TJP3: variants seen among roughly 807,000 people sequenced by gnomAD.
The protein encoded by TJP3 is tight junction protein 3.
Under a neutral mutation model 104.2 loss-of-function variants are expected in TJP3, and 85 were observed. The ratio of observed to expected loss-of-function variants is 0.82; its 90% confidence interval spans 0.68 to 0.98. The LOEUF (loss-of-function observed/expected upper bound fraction) is 0.98, where lower values mean the gene tolerates loss of function less well. Among genes scored for constraint, TJP3 ranks in the 50% least tolerant of loss-of-function variants. TJP3 has a pLI of 0.00. For synonymous variants in TJP3, 550 were observed against 550.6 expected (o/e 1.00, Z 0.02); for missense variants, 1,367 against 1,322.8 (o/e 1.03, Z -0.52).
intron 13 of TJP3, among the ~76,000 whole-genome samples, chr19:3,740,053 G>A (rs1413904596): frequency 2.0e-5 from 3 of 152,000 alleles, no homozygotes; most frequent in Admixed American, 6.6e-5. Flanking sequence ...CCAACATGGT[G>A]AAACCCCATC....
chr19:3,722,371 G>C (rs1361670157), intron 1 of TJP3, among the ~76,000 whole-genome samples: 1 of 152,128 alleles, frequency 6.6e-6, no homozygotes, highest in African/African-American at 2.4e-5. Flanking sequence ...GCGTGCAGCC[G>C]GCTGAGCTTG....
At chr19:3,726,076 G>A (rs1282590443) in intron 1 of TJP3, among the ~76,000 whole-genome samples, 1 of 152,250 alleles carries the variant, frequency 6.6e-6, no homozygotes, top group African/African-American at 2.4e-5. Flanking sequence ...GCACCAATGG[G>A]GGGTGCCTGG....
In TJP3 at chr19:3,733,650, C is replaced by G. The variant is rs2036699991; in HGVS notation, c.718-103C>G. 9 of 1,523,056 alleles carry G rather than the reference C, an allele frequency of 5.9e-6. No individual in the cohort carries two copies. The South Asian group carries it at 1.1e-4, about 18-fold the overall frequency. 94.3% of individuals were successfully genotyped at this position (1,523,056 alleles called of 1,614,324 possible). A position where few individuals can be genotyped will look rare whatever the true frequency, so the allele number is the denominator to read the frequency against. ...AGGGAGTGGCTGTTTTTAGCAACCT[C>G]TGGGGGAATTGTCTGTTTCAAGTTC... On this transcript the variant is annotated intron_variant, in intron 6 of 20. Transcript: ENST00000541714.
rs773459249 is a variant in TJP3, at chr19:3,747,778, C to T, written c.2323-16C>T. On this transcript the variant is annotated splice_polypyrimidine_tract_variant and intron_variant, in intron 18 of 20. Transcript: ENST00000541714. ...CCTGGCCAGGGCCAGCCGCAGCATC[C>T]ACACCCACCCCACAGCTGGATGGCT... The T allele has an allele frequency of 1.9e-6, 3 of 1,560,276 alleles. No individual in the cohort carries two copies. The highest frequency in any genetic ancestry group is 2.6e-6 in the Non-Finnish European group (3 of 1,156,048).
chr19:3,728,462 C>A lies in TJP3; in HGVS notation c.30C>A (p.His10Gln). ...AGGAGCTGACCATCTGGGAACAGCA[C>A]ACGGCCACACTGTCCAAGGTGAGGC... MEELTIWEQ[H>Q]TATLSKDPRR... The change falls in exon 2 of 21, where the codon CAC becomes CAA. Residue 10 changes from histidine (H) to glutamine (Q), a missense_variant. His to Gln is a conservative substitution (Grantham distance 24, BLOSUM62 0). Coordinates refer to ENST00000541714, the MANE Select transcript of TJP3 (RefSeq NM_001267560.2). 1.2e-6 allele frequency: 2 copies of A among 1,613,138 alleles called. No individual in the cohort carries two copies. The highest frequency in any genetic ancestry group is 1.7e-6 in the Non-Finnish European group (2 of 1,179,682).
chr19:3,747,146 C>T (rs1185436653), intron 18 of TJP3, among the ~76,000 whole-genome samples: 3 of 151,982 alleles, frequency 2.0e-5, no homozygotes, highest in Non-Finnish European at 2.9e-5. Context: ...CTGCAACCTC[C>T]GCCTCCCGGG....
At chr19:3,719,056 C>T (rs911363617) in intron 1 of TJP3, among the ~76,000 whole-genome samples, 1 of 151,536 alleles carries the variant, frequency 6.6e-6, no homozygotes, top group African/African-American at 2.4e-5. Flanking sequence ...TGGTGGCCGG[C>T]GCCTGTAGTC....
intron 1 of TJP3, among the ~76,000 whole-genome samples, chr19:3,727,143 AAC>A (rs984769823): frequency 1.4e-4 from 21 of 151,820 alleles, no homozygotes; most frequent in African/African-American, 5.1e-4. Context: ...CCTCATCTGT[AAC>A]ATGGGGATAA....
At position 3,744,014 on chromosome 19, in the gene TJP3, C is replaced by T; in HGVS notation, c.1919C>T (p.Pro640Leu). The part of the protein sequence containing the change: ...IAMQKLTAEM[P>L]DQFEIAETVS... ...ATGCAGAAGTTGACTGCTGAGATGCCTGACCAGTTTGAAATCGCAGGTGAG... is the reference window on the plus strand; with the variant it reads ...ATGCAGAAGTTGACTGCTGAGATGCTTGACCAGTTTGAAATCGCAGGTGAG... The change falls in exon 15 of 21, where the codon CCT becomes CTT. Residue 640 changes from proline (P) to leucine (L), a missense_variant. Physicochemically the swap from Pro to Leu is moderately conservative, Grantham distance 98. Coordinates refer to ENST00000541714, the MANE Select transcript of TJP3 (RefSeq NM_001267560.2). 6.2e-7 allele frequency: 1 copy of T among 1,614,086 alleles called. No individual in the cohort carries two copies. The highest frequency in any genetic ancestry group is 8.5e-7 in the Non-Finnish European group (1 of 1,180,004).
intron 14 of TJP3, chr19:3,743,660 A>C: frequency 2.9e-6 from 1 of 340,176 alleles, no homozygotes. Flanking sequence ...ACAGCCAGGA[A>C]GAAAGGGAAT....
At chr19:3,710,594 G>A (rs2075418767) in intron 1 of TJP3, among the ~76,000 whole-genome samples, 1 of 152,228 alleles carries the variant, frequency 6.6e-6, no homozygotes, top group African/African-American at 2.4e-5. Flanking sequence ...CTGGCCAGGG[G>A]CCAGGGGAGC....
chr19:3,725,324 TG>T (rs567065929), intron 1 of TJP3, among the ~76,000 whole-genome samples: 76 of 152,046 alleles, frequency 5.0e-4, no homozygotes, highest in African/African-American at 1.7e-3. Context: ...CAGGGCAGGC[TG>T]CCAAGTTCAC....
At position 3,730,607 on chromosome 19, in the gene TJP3, A is replaced by G. The variant is rs2036658227; in HGVS notation, c.514A>G (p.Asn172Asp). The G allele has an allele frequency of 1.2e-6, 2 of 1,611,610 alleles. No homozygotes were observed. The highest frequency in any genetic ancestry group is 1.3e-5 in the African/African-American group (1 of 75,056). Residue 172 changes from asparagine to aspartate, a missense_variant, in exon 5 of 21, where the codon AAC (asparagine) becomes GAC (aspartate). Asn to Asp is a conservative substitution (Grantham distance 23). Transcript: ENST00000541714. This position sits in a 1 kb window ranked among gnomAD's most constrained non-coding sequence, Gnocchi z 7.3. ...GAGCCCAGGTGGTGGCTCTGAGGCC[A>G]ACGGGCTGGCCCTGGTGTCCGGCTT... Reference protein sequence around the residue: ...RRSPGGGSEANGLALVSGFKR... With the variant: ...RRSPGGGSEADGLALVSGFKR...
At position 3,738,535 on chromosome 19, in the gene TJP3, C is replaced by T; in HGVS notation, c.1285-20C>T. 6.2e-7 allele frequency: 1 copy of T among 1,605,744 alleles called. No homozygotes were observed. Among genetic ancestry groups the T allele is most frequent in the Non-Finnish European group, 8.5e-7 (1 of 1,173,944 alleles). On this transcript the variant is annotated intron_variant, in intron 11 of 20. Coordinates refer to ENST00000541714, the MANE Select transcript of TJP3 (RefSeq NM_001267560.2). ...AGAGGTACCAGAGCTTTTTCTATAG[C>T]TGCACTTGCTTTCTGGCAGGTGAAT... is the stretch of plus-strand genomic sequence containing the variant.
intron 3 of TJP3, 77 bp from the exon 4 acceptor site, chr19:3,729,951 C>A: frequency 8.5e-7 from 1 of 1,182,476 alleles, no homozygotes. Flanking sequence ...TCCAGGGGCA[C>A]CCCCTCCCCA....
chr19:3,737,947 G>T (rs898319543), intron 11 of TJP3, among the ~76,000 whole-genome samples: 1 of 151,244 alleles, frequency 6.6e-6, no homozygotes, highest in African/African-American at 2.5e-5. Context: ...GACCCTGAGA[G>T]CAGGTGGCTG....
chr19:3,746,221 G>C lies in TJP3; in HGVS notation c.2010+140G>C. ...ATAGAGCCCCTTTTGGAGGCTTTGT[G>C]AGGCAGGAGGCCCGAGACAGACAAG... is the stretch of plus-strand genomic sequence containing the variant. On this transcript the variant is annotated intron_variant, in intron 16 of 20. Coordinates refer to ENST00000541714, the MANE Select transcript of TJP3 (RefSeq NM_001267560.2). This position sits in a 1 kb window ranked among gnomAD's most constrained non-coding sequence, Gnocchi z 4.1. 2.2e-6 allele frequency: 2 copies of C among 918,340 alleles called. No individual in the cohort carries two copies. Among genetic ancestry groups the C allele is most frequent in the Non-Finnish European group, 3.3e-6 (2 of 603,596 alleles). 56.9% of individuals were successfully genotyped at this position (918,340 alleles called of 1,614,324 possible). A position where few individuals can be genotyped will look rare whatever the true frequency, so the allele number is the denominator to read the frequency against.
rs528581819 is a variant in TJP3, at chr19:3,746,836, G to A, written c.2282G>A (p.Arg761Gln). 9.3e-6 allele frequency: 15 copies of A among 1,611,816 alleles called. No homozygotes were observed. The highest frequency in any genetic ancestry group is 1.7e-5 in the Admixed American group (1 of 59,774). Reference sequence around the variant, plus strand: ...TACCAGGAGCTCAAGGCCATCATTCGAGAGCAGCAGACGCGGCCCATCTGG... The same window carrying A: ...TACCAGGAGCTCAAGGCCATCATTCAAGAGCAGCAGACGCGGCCCATCTGG... Reference protein sequence around the residue: ...TWYQELKAIIREQQTRPIWTA... With the variant: ...TWYQELKAIIQEQQTRPIWTA... Residue 761 changes from arginine to glutamine, a missense_variant, in exon 18 of 21, where the codon CGA becomes CAA. Transcript: ENST00000541714. This position sits in a 1 kb window ranked among gnomAD's most constrained non-coding sequence, Gnocchi z 4.1.
chr19:3,745,133 C>CTTTTTTTTTTTTTTTTTTTTTTTTTTTTT (rs549831017), intron 15 of TJP3, among the ~76,000 whole-genome samples: 2 of 70,046 alleles, frequency 2.9e-5, no homozygotes, highest in African/African-American at 6.3e-5. Flanking sequence ...AATTTTATGT[C>CTTTTTTTTTTTTTTTTTTTTTTTTTTTTT]TTTTTTTTTT....
Sources: gnomAD v4.1 joint callset for allele counts (sites outside exome capture counted in the v4.1 genomes callset) on GRCh38, gnomAD v4.1.1 for gene constraint, Gnocchi (gnomAD v3.1) non-coding constraint, MANE v1.5 for transcripts, NCBI Gene and HGNC (gene_info 2026-07-23, HGNC 2026-07-21) for gene names.